GALNTL6: variants seen among roughly 807,000 people sequenced by gnomAD.
GALNTL6 encodes the protein polypeptide N-acetylgalactosaminyltransferase-like 6.
A neutral mutation model predicts 73.7 loss-of-function variants in GALNTL6; 46 were observed. The observed-to-expected ratio is 0.62, with a 90% CI of 0.49 to 0.80. GALNTL6 has a LOEUF of 0.80. Ranked by LOEUF, GALNTL6 falls within the 30% of genes least tolerant of loss-of-function variation. GALNTL6 has a pLI of 0.00. For synonymous variants in GALNTL6, 259 were observed against 263.7 expected, an observed-to-expected ratio of 0.98 and a Z score of 0.17; for missense variants, 604 against 755.0, an observed-to-expected ratio of 0.80 and a Z score of 2.34.
At chr4:172,870,880 T>C (rs1264568335) in intron 7 of GALNTL6, among the ~76,000 whole-genome samples, 1 of 152,206 alleles carries the variant, frequency 6.6e-6, no homozygotes, top group African/African-American at 2.4e-5. Flanking sequence ...ACTTGTATGG[T>C]ATTCTCTGGA....
chr4:172,615,035 G>T (rs187517239), intron 5 of GALNTL6, among the ~76,000 whole-genome samples: 24 of 152,144 alleles, frequency 1.6e-4, no homozygotes, highest in Non-Finnish European at 1.5e-5. Flanking sequence ...CTACTAAGTT[G>T]ACCTCAAAGG....
At chr4:172,528,843 A>G (rs1579157522) in intron 5 of GALNTL6, among the ~76,000 whole-genome samples, 1 of 149,414 alleles carries the variant, frequency 6.7e-6, no homozygotes, top group East Asian at 2.0e-4. Flanking sequence ...TATGCCAGGC[A>G]CTTTTGCATA....
rs547691761 is a variant in GALNTL6, at chr4:172,301,554, T to A, written c.248-10060T>A. On this transcript the variant is annotated intron_variant, in intron 3 of 12. Transcript: ENST00000506823. ...CGTACAGATGGGGTTTTGGTGTGGA[T>A]GTCCTTTCTGTTTGTTAGTTTTCCT... Among the ~76,000 whole-genome samples the A allele has an allele frequency of 7.6e-4, 115 of 152,316 alleles. 2 individuals carry two copies. In the South Asian group the frequency reaches 0.016, roughly 21 times the overall value.
At position 172,004,409 on chromosome 4, in the gene GALNTL6, TG is replaced by T. The variant is rs543366511; in HGVS notation, c.138+189693del. ...GGAATTTTGTGAATCTATTAGTTAA[TG>T]GTGGTTTTTTTTTCTTAAAAAATTT... On this transcript the variant is annotated intron_variant, in intron 2 of 12. Transcript: ENST00000506823. Among the ~76,000 whole-genome samples the T allele has an allele frequency of 2.0e-5, 3 of 152,206 alleles. No homozygotes were observed. In the East Asian group the frequency reaches 5.8e-4, roughly 29 times the overall value.
At chr4:172,868,115 T>C (rs564528478) in intron 7 of GALNTL6, among the ~76,000 whole-genome samples, 14 of 152,344 alleles carry the variant, frequency 9.2e-5, no homozygotes, top group South Asian at 2.1e-4. Context: ...TTTTCTATTC[T>C]ATTTACAGCC....
At chr4:172,882,594 T>C (rs563109477) in intron 7 of GALNTL6, among the ~76,000 whole-genome samples, 196 bp from the exon 8 acceptor site, 3 of 152,278 alleles carry the variant, frequency 2.0e-5, no homozygotes, top group East Asian at 3.9e-4. Context: ...CACAAGAATT[T>C]TTCTCCCTCC....
chr4:172,193,382 C>T (rs1192356562), intron 2 of GALNTL6, among the ~76,000 whole-genome samples: 2 of 152,092 alleles, frequency 1.3e-5, no homozygotes, highest in African/African-American at 4.8e-5. Flanking sequence ...CAGGAGGAAC[C>T]CAGGAGAATG....
intron 3 of GALNTL6, among the ~76,000 whole-genome samples, chr4:172,255,921 C>G (rs576812693): frequency 2.6e-5 from 4 of 151,452 alleles, no homozygotes; most frequent in African/African-American, 9.6e-5. Flanking sequence ...CATTTTTAAA[C>G]TAATATTTCA....
intron 10 of GALNTL6, among the ~76,000 whole-genome samples, chr4:172,972,389 A>G (rs1750622101): frequency 6.6e-6 from 1 of 152,232 alleles, no homozygotes; most frequent in Admixed American, 6.5e-5. Context: ...ATAAACAAAT[A>G]AGATTTTTGA....
At chr4:172,038,953 T>C (rs901699276) in intron 2 of GALNTL6, among the ~76,000 whole-genome samples, 4 of 152,192 alleles carry the variant, frequency 2.6e-5, no homozygotes, top group African/African-American at 9.6e-5. Flanking sequence ...TATTCTTTTT[T>C]ATTATTCACT....
intron 3 of GALNTL6, among the ~76,000 whole-genome samples, chr4:172,250,171 C>G (rs1362438887): frequency 6.6e-6 from 1 of 152,160 alleles, no homozygotes; most frequent in Non-Finnish European, 1.5e-5. Context: ...ATCAGTATGA[C>G]CTTACATCAG....
At chr4:172,462,843 T>C (rs1732666908) in intron 5 of GALNTL6, among the ~76,000 whole-genome samples, 1 of 152,120 alleles carries the variant, frequency 6.6e-6, no homozygotes, top group African/African-American at 2.4e-5. Flanking sequence ...AGACAGCAGG[T>C]AGGATTTCAG....
intron 5 of GALNTL6, among the ~76,000 whole-genome samples, chr4:172,530,099 A>G (rs984589997): frequency 2.7e-4 from 41 of 151,896 alleles, no homozygotes; most frequent in Middle Eastern, 3.4e-3. Context: ...GGACATCTGG[A>G]TTTCCCATTT....
chr4:172,904,807 T>G (rs1165382501), intron 8 of GALNTL6, among the ~76,000 whole-genome samples: 1 of 152,188 alleles, frequency 6.6e-6, no homozygotes, highest in Non-Finnish European at 1.5e-5. Context: ...TGTTTCTACT[T>G]TGATGTGGCA....
intron 2 of GALNTL6, among the ~76,000 whole-genome samples, chr4:172,146,853 CTA>C (rs1733938958): frequency 2.0e-5 from 3 of 152,094 alleles, no homozygotes; most frequent in Non-Finnish European, 4.4e-5. Context: ...AAAAGGGGAT[CTA>C]TGTTATTAAT....
intron 4 of GALNTL6, among the ~76,000 whole-genome samples, chr4:172,324,086 T>C (rs1740855858): frequency 6.6e-6 from 1 of 152,020 alleles, no homozygotes; most frequent in South Asian, 2.1e-4. Flanking sequence ...ATTATTACTA[T>C]ATGTTAACTC....
At chr4:172,102,961 A>C (rs2110963694) in intron 2 of GALNTL6, among the ~76,000 whole-genome samples, 1 of 152,326 alleles carries the variant, frequency 6.6e-6, no homozygotes, top group South Asian at 2.1e-4. Context: ...AAGTATCTTC[A>C]AAGTTTCTCT....
chr4:172,146,767 C>G (rs1464907497), intron 2 of GALNTL6, among the ~76,000 whole-genome samples: 10 of 152,066 alleles, frequency 6.6e-5, no homozygotes, highest in Non-Finnish European at 1.0e-4. Flanking sequence ...TGTGGGCTCT[C>G]AATAAATATT....
At chr4:172,606,667 A>ATATAGTATATATATAC (rs1304452218) in intron 5 of GALNTL6, among the ~76,000 whole-genome samples, 1 of 44,896 alleles carries the variant, frequency 2.2e-5, no homozygotes, top group African/African-American at 4.6e-5. Flanking sequence ...TATATACTAT[A>ATATAGTATATATATAC]TATATATACT....
Sources: gnomAD v4.1 joint callset for allele counts (sites outside exome capture counted in the v4.1 genomes callset) on GRCh38, gnomAD v4.1.1 for gene constraint, MANE v1.5 for transcripts, NCBI Gene and HGNC (gene_info 2026-07-23, HGNC 2026-07-21) for gene names.